TAMM41: variants seen among roughly 807,000 people sequenced by gnomAD.
TAMM41 encodes the protein phosphatidate cytidylyltransferase, mitochondrial.
Under a neutral mutation model 44.1 loss-of-function variants are expected in TAMM41, and 36 were observed. That is an observed-to-expected ratio of 0.82 (90% CI 0.63 to 1.08). The LOEUF (loss-of-function observed/expected upper bound fraction) is 1.08. Among genes scored for constraint, TAMM41 ranks in the 50% least tolerant of loss-of-function variants. The pLI is 0.00. For missense variants in TAMM41, 417 were observed against 404.3 expected (o/e 1.03, Z -0.27); for synonymous variants, 164 against 153.1 (o/e 1.07, Z -0.53).
the TAMM41 span, among the ~76,000 whole-genome samples, chr3:11,775,725 GA>G: frequency 6.6e-6 from 1 of 152,194 alleles, no homozygotes; most frequent in Admixed American, 6.5e-5. Flanking sequence ...GTTGACAGAT[GA>G]ACAGATCAAG....
chr3:11,790,605 T>C (rs1559261723), intron 7 of TAMM41, 24 bp from the exon 8 acceptor site: 1 of 1,594,008 alleles, frequency 6.3e-7, no homozygotes, highest in East Asian at 2.2e-5. Flanking sequence ...GATGAGAAAG[T>C]AAGAAGATGG....
chr3:11,817,984 C>T (rs1224305316), intron 4 of TAMM41, among the ~76,000 whole-genome samples: 13 of 152,168 alleles, frequency 8.5e-5, no homozygotes, highest in Non-Finnish European at 7.3e-5. Context: ...AAAAGCATTT[C>T]TGAATCAAAT....
chr3:11,797,230 AC>A lies in TAMM41; in HGVS notation c.938-6650del, dbSNP rs1448474057. ...AGAACAAAGCTGGAGGCCTCATGCTACCCGACTTCAAACTATAAATACAGGG... is the reference window on the plus strand; with the variant it reads ...AGAACAAAGCTGGAGGCCTCATGCTACCGACTTCAAACTATAAATACAGGG... On this transcript the variant is annotated intron_variant, in intron 7 of 7. Transcript: ENST00000455809. 1.4e-4 allele frequency among the ~76,000 whole-genome samples: 22 copies of A among 152,342 alleles called. 1 individual carries two copies. The Middle Eastern group carries it at 0.024, about 165-fold the overall frequency.
downstream of TAMM41, among the ~76,000 whole-genome samples, chr3:11,786,122 G>A (rs2077415266): frequency 6.6e-6 from 1 of 152,018 alleles, no homozygotes; most frequent in African/African-American, 2.4e-5. Flanking sequence ...GGGCTTGTAG[G>A]TTCCAATACA....
chr3:11,837,022 T>C (rs547810131), intron 3 of TAMM41, among the ~76,000 whole-genome samples: 1 of 152,210 alleles, frequency 6.6e-6, no homozygotes. Flanking sequence ...AATTTGTCCA[T>C]GTGTATACCT....
chr3:11,839,122 T>A (rs2079316311), intron 3 of TAMM41, 100 bp downstream of exon 3: 1 of 687,532 alleles, frequency 1.5e-6, no homozygotes, highest in Non-Finnish European at 2.5e-6. Flanking sequence ...AACTCATTTC[T>A]ATTTCCAGAG....
the TAMM41 span, among the ~76,000 whole-genome samples, chr3:11,724,429 A>C: frequency 7.9e-6 from 1 of 127,378 alleles, no homozygotes; most frequent in Non-Finnish European, 1.7e-5. Flanking sequence ...TTTTATTTTT[A>C]TTTTGAGACA....
chr3:11,736,725 T>C, the TAMM41 span, among the ~76,000 whole-genome samples: 3 of 152,130 alleles, frequency 2.0e-5, no homozygotes, highest in Admixed American at 6.5e-5. Context: ...CTGGCATCCC[T>C]GGGACTGGTC....
the TAMM41 span, among the ~76,000 whole-genome samples, chr3:11,763,961 T>C: frequency 2.2e-4 from 33 of 152,342 alleles, no homozygotes; most frequent in African/African-American, 7.7e-4. Flanking sequence ...CGCAGGTCAC[T>C]GACTTTTATT....
At chr3:11,768,759 A>T in the TAMM41 span, among the ~76,000 whole-genome samples, 1 of 152,160 alleles carries the variant, frequency 6.6e-6, no homozygotes, top group African/African-American at 2.4e-5. Flanking sequence ...AAGGTTCCTG[A>T]TTTCCAGTAG....
the TAMM41 span, among the ~76,000 whole-genome samples, chr3:11,742,952 C>T: frequency 2.6e-5 from 4 of 152,122 alleles, no homozygotes; most frequent in African/African-American, 9.7e-5. Context: ...CTTATAAATG[C>T]TGCCTACTAA....
At chr3:11,722,403 GA>G in the TAMM41 span, among the ~76,000 whole-genome samples, 8 of 152,084 alleles carry the variant, frequency 5.3e-5, no homozygotes, top group Non-Finnish European at 8.8e-5. Context: ...GGTCTAGGGG[GA>G]CTGGAAGTGG....
chr3:11,842,309 G>T (rs570004322), intron 2 of TAMM41, among the ~76,000 whole-genome samples: 1 of 150,700 alleles, frequency 6.6e-6, no homozygotes, highest in Admixed American at 6.6e-5. Flanking sequence ...CAGGAGAATC[G>T]CTTGAACCTG....
At chr3:11,778,921 C>A in the TAMM41 span, among the ~76,000 whole-genome samples, 2 of 152,156 alleles carry the variant, frequency 1.3e-5, no homozygotes, top group South Asian at 4.1e-4. Context: ...GTTAGCCTTT[C>A]ACTTTTTTGA....
chr3:11,726,800 CAAAAAAA>C, the TAMM41 span, among the ~76,000 whole-genome samples: 78 of 93,098 alleles, frequency 8.4e-4, no homozygotes, highest in Non-Finnish European at 1.3e-3. Flanking sequence ...GACTCTGTCT[CAAAAAAA>C]AAAAAAAAAA....
chr3:11,725,197 C>G, the TAMM41 span, among the ~76,000 whole-genome samples: 1 of 146,280 alleles, frequency 6.8e-6, no homozygotes, highest in Non-Finnish European at 1.5e-5. Flanking sequence ...TTGCTCCCTC[C>G]TCCTTCTCCT....
chr3:11,817,446 C>T (rs1453705800), intron 4 of TAMM41, 109 bp from the exon 5 acceptor site: 6 of 1,119,078 alleles, frequency 5.4e-6, no homozygotes, highest in African/African-American at 1.5e-5. Context: ...GGCAGGATCC[C>T]TCATCAGAAC....
chr3:11,778,783 C>T, the TAMM41 span, among the ~76,000 whole-genome samples: 3 of 151,972 alleles, frequency 2.0e-5, no homozygotes, highest in South Asian at 2.1e-4. Context: ...ATTGGCCATT[C>T]GTGTATCTTT....
chr3:11,837,261 C>T lies in TAMM41; in HGVS notation c.411+1961G>A, dbSNP rs189891001. ...GGGGAGACACTCGAGAACAATCTAT[C>T]GGCCTCTTGTGGAGCCTGGGACCCT... On this transcript the variant is annotated intron_variant, in intron 3 of 7. Transcript: ENST00000455809. 2.6e-4 allele frequency among the ~76,000 whole-genome samples: 40 copies of T among 152,270 alleles called. No individual in the cohort carries two copies. In the East Asian group the frequency reaches 7.5e-3, roughly 29 times the overall value.
Sources: gnomAD v4.1 joint callset for allele counts (sites outside exome capture counted in the v4.1 genomes callset) on GRCh38, gnomAD v4.1.1 for gene constraint, MANE v1.5 for transcripts, NCBI Gene and HGNC (gene_info 2026-07-23, HGNC 2026-07-21) for gene names.